ZNF276: variants seen among roughly 807,000 people sequenced by gnomAD.
ZNF276 encodes the protein zinc finger protein 276, also known as centromere protein Z.
In ZNF276, 59 loss-of-function variants were observed where a neutral mutation model predicts 63.9. That is an observed-to-expected ratio of 0.92 (90% confidence interval 0.75 to 1.15). ZNF276 has a LOEUF of 1.15. Ranked by LOEUF, ZNF276 falls within the 50% of genes most tolerant of loss-of-function variation. The pLI is 0.00. For missense variants in ZNF276, 1,084 were observed against 843.8 expected (o/e 1.28, Z -3.53); for synonymous variants, 496 against 348.4 (o/e 1.42, Z -4.72).
chr16:89,733,966 C>T lies in ZNF276; in HGVS notation c.1402C>T (p.Pro468Ser), dbSNP rs1337063584. ...HHEEVRERPC[P>S]HPGCNKVFMI... Reference sequence around the variant, plus strand: ...CGAGGAGGTCCGGGAGCGGCCCTGCCCCCACCCTGGCTGCAACAAGGTTTT... The same window carrying T: ...CGAGGAGGTCCGGGAGCGGCCCTGCTCCCACCCTGGCTGCAACAAGGTTTT... Residue 468 changes from proline to serine, a missense_variant, in exon 9 of 11, where the codon CCC (proline) becomes TCC (serine). Pro to Ser is a moderately conservative substitution (Grantham distance 74, BLOSUM62 -1). Transcript: ENST00000443381. 6.2e-7 allele frequency: 1 copy of T among 1,614,032 alleles called. No homozygotes were observed. Among genetic ancestry groups the T allele is most frequent in the Non-Finnish European group, 8.5e-7 (1 of 1,180,018 alleles).
In ZNF276 at chr16:89,722,731, T is replaced by C; in HGVS notation, c.406T>C (p.Cys136Arg). ...GGACCCCACCTTGTCTCCGTTTGTC[T>C]GCAAGAGCTGCCACGCCCAGTTCTA... ...RQDPTLSPFV[C>R]KSCHAQFYQC... The change falls in exon 2 of 11, where the codon TGC (cysteine) becomes CGC (arginine). Residue 136 changes from cysteine to arginine, a missense_variant. Transcript: ENST00000443381. The C allele has an allele frequency of 1.2e-6, 2 of 1,612,136 alleles. No homozygotes were observed. Among genetic ancestry groups the C allele is most frequent in the Non-Finnish European group, 8.5e-7 (1 of 1,180,028 alleles).
At position 89,727,249 on chromosome 16, in the gene ZNF276, G is replaced by C. The variant is rs1468048547; in HGVS notation, c.1007-30G>C. 3 of 1,607,624 alleles carry C rather than the reference G, an allele frequency of 1.9e-6. No individual in the cohort carries two copies. In the Admixed American group the frequency reaches 5.0e-5, roughly 27 times the overall value. On this transcript the variant is annotated intron_variant, in intron 4 of 10. Coordinates refer to ENST00000443381, the MANE Select transcript of ZNF276 (RefSeq NM_001113525.2). Reference sequence around the variant, plus strand: ...TGAGACCTTTCTGTGCTCCGTGTTGGTAACAGGAGCCTTGTTCTTTGTTTC... The same window carrying C: ...TGAGACCTTTCTGTGCTCCGTGTTGCTAACAGGAGCCTTGTTCTTTGTTTC...
At chr16:89,733,184 C>A in intron 6 of ZNF276, 118 bp from the exon 7 acceptor site, 1 of 952,406 alleles carries the variant, frequency 1.0e-6, no homozygotes. Flanking sequence ...GAGGGTCAGT[C>A]AGCACAGAAG....
Position 89,739,668 on chromosome 16 carries a change from T to C in ZNF276, c.*1422T>C. ...CTGGGAGGCCTGGCTGTGGGGATAG[T>C]GTGGGGCGAACAGCCTGAGCTGAGG... On this transcript the variant is annotated 3_prime_UTR_variant, in exon 11 of 11. Coordinates refer to ENST00000443381, the MANE Select transcript of ZNF276 (RefSeq NM_001113525.2). 1 of 1,508,298 alleles carries C rather than the reference T, an allele frequency of 6.6e-7. No homozygotes were observed. The highest frequency in any genetic ancestry group is 1.2e-5 in the South Asian group (1 of 82,694). The allele number at this position is 1,508,298 out of a possible 1,614,324, so 93.4% of individuals were successfully genotyped here.
rs1344927978 is a variant in ZNF276, at chr16:89,721,565, G to A, written c.-76G>A. On this transcript the variant is annotated 5_prime_UTR_variant, in exon 1 of 11. Transcript: ENST00000443381. ...CCGCCTCGCTTCCAGCGCGCCGAGC[G>A]GAGCCTAACGCCGGGTCCTCTAGGA... is the stretch of plus-strand genomic sequence containing the variant. 1 of 1,375,016 alleles carries A rather than the reference G, an allele frequency of 7.3e-7. No homozygotes were observed. Among genetic ancestry groups the A allele is most frequent in the South Asian group, 1.4e-5 (1 of 72,634 alleles). 85.2% of individuals were successfully genotyped at this position (1,375,016 alleles called of 1,614,324 possible). A position where few individuals can be genotyped will look rare whatever the true frequency, so the allele number is the denominator to read the frequency against.
chr16:89,721,851 T>C lies in ZNF276; in HGVS notation c.205+6T>C. Reference sequence around the variant, plus strand: ...GGACGGCGCGGACGAGGCAGGTGGGTCCGCGGCCCGGGCGTGGCGGGTTGG... The same window carrying C: ...GGACGGCGCGGACGAGGCAGGTGGGCCCGCGGCCCGGGCGTGGCGGGTTGG... On this transcript the variant is annotated splice_donor_region_variant and intron_variant, in intron 1 of 10. Coordinates refer to ENST00000443381, the MANE Select transcript of ZNF276 (RefSeq NM_001113525.2). The C allele has an allele frequency of 8.3e-7, 1 of 1,206,774 alleles. No individual in the cohort carries two copies. The highest frequency in any genetic ancestry group is 1.0e-6 in the Non-Finnish European group (1 of 972,052). 74.8% of individuals were successfully genotyped at this position (1,206,774 alleles called of 1,614,324 possible). A position where few individuals can be genotyped will look rare whatever the true frequency, so the allele number is the denominator to read the frequency against.
chr16:89,722,918 C>T (rs1472536567), intron 2 of ZNF276, 84 bp downstream of exon 2: 5 of 1,557,994 alleles, frequency 3.2e-6, no homozygotes, highest in Non-Finnish European at 4.3e-6. Context: ...GGCGTGCCTC[C>T]GCGGGAGCCT....
chr16:89,739,040 A>G lies in ZNF276; in HGVS notation c.*794A>G, dbSNP rs556778941. 262 of 1,614,024 alleles carry G rather than the reference A, an allele frequency of 1.6e-4. No individual in the cohort carries two copies. The highest frequency in any genetic ancestry group is 1.6e-4 in the Middle Eastern group (1 of 6,062). ...CAGAAACAGGGCTGGTGTGTCCCCC[A>G]TAGTCTGCATGCTGTGCCGGAACAT... is the stretch of plus-strand genomic sequence containing the variant. On this transcript the variant is annotated 3_prime_UTR_variant, in exon 11 of 11. Coordinates refer to ENST00000443381, the MANE Select transcript of ZNF276 (RefSeq NM_001113525.2).
chr16:89,739,508 T>G lies in ZNF276; in HGVS notation c.*1262T>G. ...AAAAGCGAAAGGCAGCAGCCTGGTG[T>G]GCTGATCCGGGGCCACACGGAGGAG... On this transcript the variant is annotated 3_prime_UTR_variant, in exon 11 of 11. Transcript: ENST00000443381. 6.4e-7 allele frequency: 1 copy of G among 1,551,372 alleles called. No individual in the cohort carries two copies. The highest frequency in any genetic ancestry group is 8.7e-7 in the Non-Finnish European group (1 of 1,147,142).
rs529217413 is a variant in ZNF276 at position 89,739,873 on chromosome 16, A to C, written c.*1627A>C. On this transcript the variant is annotated 3_prime_UTR_variant, in exon 11 of 11. Transcript: ENST00000443381. ...GTTTGTGCTTAATCTGTCCCAACTA[A>C]AATGGAGCTTATAAACTTACTTAGC... The C allele has an allele frequency of 1.5e-5, 23 of 1,550,568 alleles. No homozygotes were observed. Among genetic ancestry groups the C allele is most frequent in the East Asian group, 2.3e-5 (1 of 44,350 alleles).
intron 9 of ZNF276, 136 bp from the exon 10 acceptor site, chr16:89,737,670 C>T: frequency 6.6e-7 from 1 of 1,512,774 alleles, no homozygotes; most frequent in East Asian, 2.3e-5. Context: ...CTCATAGGCC[C>T]CTTGCTTGGG....
At chr16:89,733,607 C>T (rs778678583) in intron 8 of ZNF276, 50 bp downstream of exon 8, 1 of 1,599,112 alleles carries the variant, frequency 6.3e-7, no homozygotes, top group Non-Finnish European at 8.6e-7. Context: ...CAGTGTGAAC[C>T]TGGGGGAGGT....
chr16:89,721,692 T>G lies in ZNF276; in HGVS notation c.52T>G (p.Cys18Gly). The G allele has an allele frequency of 7.2e-7, 1 of 1,398,174 alleles. No homozygotes were observed. Among genetic ancestry groups the G allele is most frequent in the South Asian group, 1.5e-5 (1 of 68,338 alleles). The allele number at this position is 1,398,174 out of a possible 1,614,324, so 86.6% of individuals were successfully genotyped here. Residue 18 changes from cysteine (C) to glycine (G), a missense_variant, in exon 1 of 11, where the codon TGC becomes GGC. Coordinates refer to ENST00000443381, the MANE Select transcript of ZNF276 (RefSeq NM_001113525.2). ...CCTGTCTCCTGGGTCGTCCCGACAG[T>G]GCGGGGCCTCGGACGGCGGCGGCGG... is the stretch of plus-strand genomic sequence containing the variant. ...RFLSPGSSRQ[C>G]GASDGGGGVS...
At chr16:89,720,493 A>C, upstream of ZNF276, 1 of 1,124,942 alleles carries the variant, frequency 8.9e-7, no homozygotes, top group Middle Eastern at 3.8e-4. Context: ...CTCCTGCTAC[A>C]TCTCCTCTAC....
At chr16:89,728,555 A>G (rs934208081) in intron 5 of ZNF276, among the ~76,000 whole-genome samples, 1 of 152,222 alleles carries the variant, frequency 6.6e-6, no homozygotes, top group Admixed American at 6.5e-5. Flanking sequence ...GGCACCCGCC[A>G]CCACGCCCGG....
chr16:89,732,415 C>G (rs2061683685), intron 6 of ZNF276: 1 of 153,164 alleles, frequency 6.5e-6, no homozygotes, highest in Non-Finnish European at 1.5e-5. Context: ...CCTCTGAAGC[C>G]CTGCCTGGGT....
rs145686036 is a variant in ZNF276, at chr16:89,738,201, C to T, written c.1800C>T (p.Pro600=). The T allele has an allele frequency of 2.5e-6, 4 of 1,611,448 alleles. No individual in the cohort carries two copies. Among genetic ancestry groups the T allele is most frequent in the Non-Finnish European group, 2.5e-6 (3 of 1,179,194 alleles). The change falls in exon 11 of 11, where the codon CCC becomes CCT. Residue 600 remains proline, a synonymous_variant. Coordinates refer to ENST00000443381, the MANE Select transcript of ZNF276 (RefSeq NM_001113525.2). ...AACCACCACCTGGGCCACCGAGCCC[C>T]TCTGTGACCACAGAGGGCCAGGCGG... The part of the protein sequence containing the change: ...EAEPPPGPPS[P]SVTTEGQAVK...
chr16:89,732,503 T>TA (rs1246859322), intron 6 of ZNF276: 2 of 153,708 alleles, frequency 1.3e-5, no homozygotes, highest in Non-Finnish European at 2.9e-5. Context: ...GTCGTTTTGA[T>TA]AAAGGAGTGG....
rs986710868 is a variant in ZNF276, at chr16:89,740,044, A to T, written c.*1798A>T. ...CAGCCAGGATATCTTCCTCTTCTCT[A>T]AACACTCGAGGATTGCTGCACAAAC... is the stretch of plus-strand genomic sequence containing the variant. On this transcript the variant is annotated 3_prime_UTR_variant, in exon 11 of 11. Coordinates refer to ENST00000443381, the MANE Select transcript of ZNF276 (RefSeq NM_001113525.2). 2.5e-6 allele frequency: 4 copies of T among 1,614,008 alleles called. No homozygotes were observed. Among genetic ancestry groups the T allele is most frequent in the Non-Finnish European group, 3.4e-6 (4 of 1,180,040 alleles).
Sources: allele counts gnomAD v4.1 joint callset (sites outside exome capture counted in the v4.1 genomes callset), GRCh38; gene constraint gnomAD v4.1.1; transcripts MANE v1.5; gene names NCBI Gene and HGNC (gene_info 2026-07-23, HGNC 2026-07-21).